NCKAP5: variants seen among roughly 807,000 people sequenced by gnomAD.
The protein encoded by NCKAP5 is nck-associated protein 5.
In NCKAP5, 92 loss-of-function variants were observed where a neutral mutation model predicts 167.0. That is an observed-to-expected ratio of 0.55 (90% CI 0.47 to 0.66). The LOEUF is 0.66. NCKAP5 is among the 30% of genes least tolerant of loss of function. The pLI is 0.00. For synonymous variants in NCKAP5, 891 were observed against 877.4 expected, an observed-to-expected ratio of 1.02 and a Z score of -0.27; for missense variants, 2,378 against 2,315.0, an observed-to-expected ratio of 1.03 and a Z score of -0.56.
chr2:132,781,208 T>A lies in NCKAP5; in HGVS notation c.4893A>T (p.Pro1631=), dbSNP rs1244751912. ...LLNRVDKKAA[P]QTESGSSNAS... ...CATTACTTGATCCACTTTCTGTCTG[T>A]GGAGCTGCTTTCTTATCAACTCTGC... is the stretch of plus-strand genomic sequence containing the variant. The change falls in exon 15 of 20, where the codon CCA becomes CCT. Residue 1631 remains proline, a synonymous_variant. Coordinates refer to ENST00000409261, the MANE Select transcript of NCKAP5 (RefSeq NM_207363.3). 6 of 1,613,680 alleles carry A rather than the reference T, an allele frequency of 3.7e-6. No homozygotes were observed. In the Admixed American group the frequency reaches 6.7e-5, roughly 18 times the overall value.
At position 133,216,054 on chromosome 2, in the gene NCKAP5, G is replaced by A. The variant is rs191545877; in HGVS notation, c.144-2275C>T. Among the ~76,000 whole-genome samples the A allele has an allele frequency of 1.3e-3, 192 of 151,988 alleles. 2 individuals carry two copies. Among genetic ancestry groups the A allele is most frequent in the African/African-American group, 4.4e-3 (184 of 41,470 alleles). ...ACATTTAGCAAAAGATTTGCAAGACGGCCACACTAAAAACTACAAAACACT... is the reference window on the plus strand; with the variant it reads ...ACATTTAGCAAAAGATTTGCAAGACAGCCACACTAAAAACTACAAAACACT... On this transcript the variant is annotated intron_variant, in intron 4 of 19. Transcript: ENST00000409261.
At chr2:133,114,690 C>T (rs1259718594) in intron 6 of NCKAP5, among the ~76,000 whole-genome samples, 5 of 152,002 alleles carry the variant, frequency 3.3e-5, no homozygotes, top group African/African-American at 4.8e-5. Context: ...TTTTTTCCTT[C>T]CTTGTACTTT....
chr2:133,341,229 C>A (rs968380176), intron 3 of NCKAP5, among the ~76,000 whole-genome samples: 1 of 151,568 alleles, frequency 6.6e-6, no homozygotes, highest in Non-Finnish European at 1.5e-5. Context: ...ATAAAAATGA[C>A]CAACTGGGTC....
At chr2:133,092,090 G>A (rs1300789435) in intron 6 of NCKAP5, among the ~76,000 whole-genome samples, 1 of 152,176 alleles carries the variant, frequency 6.6e-6, no homozygotes, top group Non-Finnish European at 1.5e-5. Flanking sequence ...ACCACAGTGG[G>A]TTGAATTGTG....
chr2:133,560,143 C>T lies in NCKAP5; in HGVS notation c.-129-1026G>A, dbSNP rs149903819. Among the ~76,000 whole-genome samples, 521 of 152,270 alleles carry T rather than the reference C, an allele frequency of 3.4e-3. 3 individuals are homozygous for T. Among genetic ancestry groups the T allele is most frequent in the African/African-American group, 0.012 (491 of 41,546 alleles). The stretch of plus-strand genomic sequence containing the variant: ...AAGCTTTGTGCCCCGAGTCCACAGG[C>T]ATTTTGACTGCATGAGATTTGAATG... On this transcript the variant is annotated intron_variant, in intron 1 of 19. Transcript: ENST00000409261.
intron 2 of NCKAP5, among the ~76,000 whole-genome samples, chr2:133,546,723 A>ATTTGTT (rs922116626): frequency 6.6e-6 from 1 of 152,206 alleles, no homozygotes; most frequent in Non-Finnish European, 1.5e-5. Flanking sequence ...GTGTAAAACC[A>ATTTGTT]TTTCAGGCAT....
At chr2:132,812,862 G>T (rs1685987280) in intron 11 of NCKAP5, among the ~76,000 whole-genome samples, 1 of 152,128 alleles carries the variant, frequency 6.6e-6, no homozygotes, top group Admixed American at 6.5e-5. Flanking sequence ...CATAGATGGT[G>T]CCTTCTCACT....
the NCKAP5 span, among the ~76,000 whole-genome samples, chr2:133,626,544 A>T: frequency 1.4e-5 from 2 of 146,700 alleles, no homozygotes; most frequent in African/African-American, 5.2e-5. Context: ...TTATTTACTT[A>T]TTTGAATTCT....
intron 8 of NCKAP5, among the ~76,000 whole-genome samples, chr2:132,918,604 G>A (rs1397500014): frequency 6.6e-6 from 1 of 152,098 alleles, no homozygotes; most frequent in Non-Finnish European, 1.5e-5. Context: ...CATCCATAAT[G>A]ATGATGACAA....
intron 7 of NCKAP5, among the ~76,000 whole-genome samples, chr2:132,982,944 C>A (rs2077184562): frequency 6.6e-6 from 1 of 152,106 alleles, no homozygotes; most frequent in Non-Finnish European, 1.5e-5. Flanking sequence ...GACTCCATGT[C>A]TTTTCATGAG....
chr2:133,034,660 C>T (rs781369030), intron 6 of NCKAP5, among the ~76,000 whole-genome samples: 3 of 151,848 alleles, frequency 2.0e-5, no homozygotes, highest in Non-Finnish European at 4.4e-5. Context: ...TTTCTTTTTC[C>T]TTGTTTGTTT....
At chr2:133,073,268 T>C (rs2080483300) in intron 6 of NCKAP5, among the ~76,000 whole-genome samples, 1 of 152,050 alleles carries the variant, frequency 6.6e-6, no homozygotes, top group South Asian at 2.1e-4. Flanking sequence ...CCCTGCCACG[T>C]ACTGAGTCAA....
At chr2:132,871,495 T>C (rs1206018594) in intron 9 of NCKAP5, among the ~76,000 whole-genome samples, 2 of 152,190 alleles carry the variant, frequency 1.3e-5, no homozygotes, top group African/African-American at 4.8e-5. Flanking sequence ...TTTCTCCCAA[T>C]TGGTCTCTCA....
chr2:133,460,267 T>C (rs1484581648), intron 3 of NCKAP5, among the ~76,000 whole-genome samples: 5 of 152,176 alleles, frequency 3.3e-5, no homozygotes, highest in Admixed American at 2.0e-4. Context: ...CTGAATCACA[T>C]AGAGGGCTGA....
intron 12 of NCKAP5, among the ~76,000 whole-genome samples, chr2:132,792,738 A>T (rs1684171112): frequency 6.6e-6 from 1 of 152,080 alleles, no homozygotes; most frequent in African/African-American, 2.4e-5. Flanking sequence ...CCTTCTCCCA[A>T]GGTATTGAGG....
At chr2:132,878,310 A>T (rs75330067) in intron 9 of NCKAP5, among the ~76,000 whole-genome samples, 69 of 151,982 alleles carry the variant, frequency 4.5e-4, no homozygotes, top group African/African-American at 1.6e-3. Context: ...TTCTGCTCCA[A>T]TTTTCTTCCT....
chr2:133,128,585 T>A (rs1211037540), intron 6 of NCKAP5, among the ~76,000 whole-genome samples: 1 of 148,728 alleles, frequency 6.7e-6, no homozygotes, highest in Non-Finnish European at 1.5e-5. Flanking sequence ...ATTCTAGTGA[T>A]CTCTCTCTCT....
At chr2:133,578,535 T>C in the NCKAP5 span, among the ~76,000 whole-genome samples, 1 of 152,102 alleles carries the variant, frequency 6.6e-6, no homozygotes, top group Admixed American at 6.5e-5. Context: ...CAGTTACTGA[T>C]CCATGTAGGA....
At position 132,763,859 on chromosome 2, in the gene NCKAP5, T is replaced by G. The variant is rs1017871968; in HGVS notation, c.5128+9957A>C. 2.0e-5 allele frequency among the ~76,000 whole-genome samples: 3 copies of G among 152,312 alleles called. No individual in the cohort carries two copies. In the South Asian group the frequency reaches 6.2e-4, roughly 32 times the overall value. On this transcript the variant is annotated intron_variant, in intron 16 of 19. Transcript: ENST00000409261. Reference sequence around the variant, plus strand: ...TGGAGTTCACAGAGGGCAGATACTATGTCTTATTCCTCTTTGTATGCCCCG... The same window carrying G: ...TGGAGTTCACAGAGGGCAGATACTAGGTCTTATTCCTCTTTGTATGCCCCG...
Sources: gnomAD v4.1 joint callset for allele counts (sites outside exome capture counted in the v4.1 genomes callset) on GRCh38, gnomAD v4.1.1 for gene constraint, MANE v1.5 for transcripts, NCBI Gene and HGNC (gene_info 2026-07-23, HGNC 2026-07-21) for gene names.